KMT2C: variants seen among roughly 807,000 people sequenced by gnomAD.
KMT2C encodes histone-lysine N-methyltransferase 2C.
A neutral mutation model predicts 507.9 loss-of-function variants in KMT2C; 88 were observed. The observed-to-expected ratio is 0.17, with a 90% CI of 0.15 to 0.21. The LOEUF (loss-of-function observed/expected upper bound fraction) is 0.21. Among genes scored for constraint, KMT2C ranks in the 10% least tolerant of loss-of-function variants. KMT2C has a pLI of 1.00. For synonymous variants in KMT2C, 2,049 were observed against 2,080.8 expected, an observed-to-expected ratio of 0.98 and a Z score of 0.42; for missense variants, 4,954 against 5,957.8, an observed-to-expected ratio of 0.83 and a Z score of 5.55.
rs941761151 is a variant in KMT2C, at chr7:152,181,490, T to C, written c.6370A>G (p.Arg2124Gly). 5.0e-6 allele frequency: 8 copies of C among 1,614,042 alleles called. No homozygotes were observed. Among genetic ancestry groups the C allele is most frequent in the Non-Finnish European group, 6.8e-6 (8 of 1,180,006 alleles). Residue 2124 changes from arginine to glycine, a missense_variant, in exon 36 of 59, where the codon AGG becomes GGG. Around this residue, in one of 29 missense-constraint regions of KMT2C, gnomAD observed 1,689 missense variants for 1,654.3 expected, o/e 1.02. Coordinates refer to ENST00000262189, the MANE Select transcript of KMT2C (RefSeq NM_170606.3). ...RAFSQPGTIS[R>G]PTSQDPYSQP... ...GAGTATGGGTCCTGAGATGTTGGCCTTGATATGGTTCCAGGCTGGGAAAAA... is the reference window on the plus strand; with the variant it reads ...GAGTATGGGTCCTGAGATGTTGGCCCTGATATGGTTCCAGGCTGGGAAAAA...
At chr7:152,260,043 C>G (rs1273237728) in intron 9 of KMT2C, among the ~76,000 whole-genome samples, 2 of 152,194 alleles carry the variant, frequency 1.3e-5, no homozygotes, top group African/African-American at 4.8e-5. Context: ...ATAGATACCA[C>G]TTCATTAAAT....
rs1284180759 is a variant in KMT2C at position 152,296,451 on chromosome 7, G to GAA, written c.849+13514_849+13515insTT. Among the ~76,000 whole-genome samples, 37 of 150,506 alleles carry GAA rather than the reference G, an allele frequency of 2.5e-4. 1 individual carries two copies. Among genetic ancestry groups the GAA allele is most frequent in the African/African-American group, 8.9e-4 (36 of 40,268 alleles). On this transcript the variant is annotated intron_variant, in intron 6 of 58. Coordinates refer to ENST00000262189, the MANE Select transcript of KMT2C (RefSeq NM_170606.3). ...CCATCTCAAAAAAAAAAAAAAGAGA[G>GAA]AGAGAGAGAGAGAGAAATATGCTAG... is the stretch of plus-strand genomic sequence containing the variant.
At chr7:152,233,886 C>T (rs368798415) in intron 16 of KMT2C, among the ~76,000 whole-genome samples, 27 of 152,222 alleles carry the variant, frequency 1.8e-4, no homozygotes, top group African/African-American at 5.5e-4. Flanking sequence ...TGGCTCATCC[C>T]GTAATCCCAG....
intron 1 of KMT2C, among the ~76,000 whole-genome samples, chr7:152,429,853 A>G (rs1654444331): frequency 2.0e-5 from 3 of 151,742 alleles, no homozygotes; most frequent in Non-Finnish European, 4.4e-5. Flanking sequence ...CCACCAGCAT[A>G]TATCTACAAG....
rs529992030 is a variant in KMT2C, at chr7:152,240,139, A to T, written c.2533-1313T>A. On this transcript the variant is annotated intron_variant, in intron 14 of 58. Transcript: ENST00000262189. ...TTCTTTCTTACCCATCAAATCTCTA[A>T]CCTAGCTCAGGTAATCACTATGCTG... is the stretch of plus-strand genomic sequence containing the variant. Among the ~76,000 whole-genome samples, 73 of 152,284 alleles carry T rather than the reference A, an allele frequency of 4.8e-4. 1 individual carries two copies. The highest frequency in any genetic ancestry group is 1.9e-3 in the Admixed American group (29 of 15,294).
intron 43 of KMT2C, among the ~76,000 whole-genome samples, chr7:152,160,894 TCAA>T (rs1194532901): frequency 6.6e-6 from 1 of 152,016 alleles, no homozygotes; most frequent in Non-Finnish European, 1.5e-5. Flanking sequence ...AACACGAGCA[TCAA>T]CACATATTTG....
At chr7:152,349,013 T>C (rs537983312) in intron 2 of KMT2C, among the ~76,000 whole-genome samples, 2 of 152,302 alleles carry the variant, frequency 1.3e-5, no homozygotes, top group Non-Finnish European at 2.9e-5. Flanking sequence ...CACATAGATG[T>C]TGACAGAAGC....
At chr7:152,420,212 A>C (rs1318930638) in intron 1 of KMT2C, among the ~76,000 whole-genome samples, 1 of 152,218 alleles carries the variant, frequency 6.6e-6, no homozygotes, top group Non-Finnish European at 1.5e-5. Flanking sequence ...ACTAAGAATA[A>C]ACCATGCTTC....
At chr7:152,245,482 C>A in intron 14 of KMT2C, among the ~76,000 whole-genome samples, 1 of 151,928 alleles carries the variant, frequency 6.6e-6, no homozygotes, top group East Asian at 1.9e-4. Context: ...AAATTTATTT[C>A]ACCTGTTTTT....
intron 6 of KMT2C, among the ~76,000 whole-genome samples, chr7:152,278,488 C>T (rs1161619287): frequency 6.6e-6 from 1 of 152,264 alleles, no homozygotes. Context: ...GAAGCAGATG[C>T]CAGCACCACA....
At chr7:152,388,092 T>G (rs1474341019) in intron 1 of KMT2C, among the ~76,000 whole-genome samples, 1 of 144,016 alleles carries the variant, frequency 6.9e-6, no homozygotes, top group Non-Finnish European at 1.5e-5. Flanking sequence ...AAATGTAACC[T>G]CTTCAAAAAA....
chr7:152,379,461 C>G (rs1234233838), intron 1 of KMT2C, among the ~76,000 whole-genome samples: 2 of 151,540 alleles, frequency 1.3e-5, no homozygotes, highest in Admixed American at 6.6e-5. Context: ...TCGCCTGAAC[C>G]CAGAAGGTGG....
intron 26 of KMT2C, among the ~76,000 whole-genome samples, chr7:152,202,644 TG>T (rs2094182289): frequency 1.3e-5 from 2 of 152,200 alleles, no homozygotes; most frequent in Admixed American, 1.3e-4. Flanking sequence ...ATCAATGACT[TG>T]GAAGATTGAG....
At chr7:152,317,219 A>G (rs903835430) in intron 3 of KMT2C, among the ~76,000 whole-genome samples, 2 of 152,228 alleles carry the variant, frequency 1.3e-5, no homozygotes, top group African/African-American at 4.8e-5. Flanking sequence ...AACAGATCAA[A>G]AATGAAAATA....
chr7:152,205,811 A>G (rs2094292869), intron 24 of KMT2C, among the ~76,000 whole-genome samples: 1 of 152,216 alleles, frequency 6.6e-6, no homozygotes, highest in African/African-American at 2.4e-5. Flanking sequence ...GAAAATGCCT[A>G]ATGATGTATT....
chr7:152,314,725 T>C (rs974323988), intron 4 of KMT2C, among the ~76,000 whole-genome samples: 42 of 152,186 alleles, frequency 2.8e-4, no homozygotes, highest in African/African-American at 9.9e-4. Context: ...CTGGATTTGC[T>C]ATTGTATTAT....
In KMT2C at chr7:152,156,836, A is replaced by C. The variant is rs115395286; in HGVS notation, c.11671-490T>G. ...AATCTGGATTGACTAAGACCTTTAAAAGAAGCAACAGTACTAATGCTACTA... is the reference window on the plus strand; with the variant it reads ...AATCTGGATTGACTAAGACCTTTAACAGAAGCAACAGTACTAATGCTACTA... On this transcript the variant is annotated intron_variant, in intron 44 of 58. Transcript: ENST00000262189. Among the ~76,000 whole-genome samples the C allele has an allele frequency of 8.5e-3, 1,296 of 152,262 alleles. 23 individuals carry two copies. Among genetic ancestry groups the C allele is most frequent in the African/African-American group, 0.03 (1,250 of 41,556 alleles).
chr7:152,398,080 G>A (rs1473832057), intron 1 of KMT2C, among the ~76,000 whole-genome samples: 5 of 152,102 alleles, frequency 3.3e-5, no homozygotes, highest in Non-Finnish European at 5.9e-5. Flanking sequence ...AGCCACATGC[G>A]TTCTCTCTCA....
At chr7:152,201,910 T>A (rs1176071117) in intron 26 of KMT2C, among the ~76,000 whole-genome samples, 1 of 152,056 alleles carries the variant, frequency 6.6e-6, no homozygotes, top group Admixed American at 6.6e-5. Flanking sequence ...TAACTGGTAG[T>A]GGAATGGTGT....
Sources: allele counts gnomAD v4.1 joint callset (sites outside exome capture counted in the v4.1 genomes callset), GRCh38; gene constraint gnomAD v4.1.1; regional missense constraint gnomAD v4.1.1; transcripts MANE v1.5; gene names NCBI Gene and HGNC (gene_info 2026-07-23, HGNC 2026-07-21).